ALK: variants seen among roughly 807,000 people sequenced by gnomAD.
The protein encoded by ALK is ALK tyrosine kinase receptor.
ALK carries 74 observed loss-of-function variants against 163.1 expected under a neutral mutation model. The ratio of observed to expected loss-of-function variants is 0.45; its 90% CI spans 0.38 to 0.55. ALK has a LOEUF of 0.55. Among genes scored for constraint, ALK ranks in the 20% least tolerant of loss-of-function variants. The pLI is 0.00. For missense variants in ALK, 2,063 were observed against 2,105.3 expected, an observed-to-expected ratio of 0.98 and a Z score of 0.39; for synonymous variants, 960 against 843.2, an observed-to-expected ratio of 1.14 and a Z score of -2.40.
intron 3 of ALK, among the ~76,000 whole-genome samples, chr2:29,646,381 A>C (rs993203097): frequency 6.6e-6 from 1 of 152,200 alleles, no homozygotes; most frequent in Admixed American, 6.6e-5. Flanking sequence ...ATTTCTACAC[A>C]TCTACATGCT....
At chr2:29,737,558 G>A (rs1679927389) in intron 1 of ALK, among the ~76,000 whole-genome samples, 1 of 147,328 alleles carries the variant, frequency 6.8e-6, no homozygotes, top group African/African-American at 2.7e-5. Flanking sequence ...TTGGCTATGG[G>A]CAGCAGTGAC....
intron 1 of ALK, among the ~76,000 whole-genome samples, chr2:29,815,635 G>A (rs181614898): frequency 1.3e-5 from 2 of 152,130 alleles, no homozygotes; most frequent in African/African-American, 4.8e-5. Context: ...CTGTTTTAAT[G>A]AATAATATTA....
intron 1 of ALK, among the ~76,000 whole-genome samples, chr2:29,815,062 G>T (rs2148374334): frequency 6.7e-6 from 1 of 148,656 alleles, no homozygotes; most frequent in Non-Finnish European, 1.5e-5. Context: ...CGGGCCATTA[G>T]TGGAAAATCA....
chr2:29,687,242 A>G (rs996765433), intron 3 of ALK, among the ~76,000 whole-genome samples: 1 of 151,836 alleles, frequency 6.6e-6, no homozygotes, highest in East Asian at 1.9e-4. Context: ...CTGCACACTT[A>G]TTTTCCACAT....
chr2:29,628,872 G>A (rs928048864), intron 3 of ALK, among the ~76,000 whole-genome samples: 4 of 152,190 alleles, frequency 2.6e-5, no homozygotes, highest in Non-Finnish European at 4.4e-5. Context: ...GATTTAGCAT[G>A]TTCAAGACTC....
At position 29,798,807 on chromosome 2, in the gene ALK, A is replaced by G. The variant is rs191320185; in HGVS notation, c.668-81110T>C. Among the ~76,000 whole-genome samples, 357 of 152,254 alleles carry G rather than the reference A, an allele frequency of 2.3e-3. 5 individuals are homozygous for G. The highest frequency in any genetic ancestry group is 1.6e-3 in the Non-Finnish European group (111 of 68,028). Reference sequence around the variant, plus strand: ...AGAAACCTCAATCCTAGAGAGAAGGACTCTGACCGTTCTGGAGAATTTTCC... The same window carrying G: ...AGAAACCTCAATCCTAGAGAGAAGGGCTCTGACCGTTCTGGAGAATTTTCC... On this transcript the variant is annotated intron_variant, in intron 1 of 28. Transcript: ENST00000389048.
chr2:29,914,774 A>C (rs531257265), intron 1 of ALK, among the ~76,000 whole-genome samples: 7 of 152,314 alleles, frequency 4.6e-5, no homozygotes, highest in African/African-American at 1.7e-4. Context: ...AAATTTTTTC[A>C]CCTATTGACA....
chr2:29,894,833 AACACACACACACACACACAAAC>A (rs1241887836), intron 1 of ALK, among the ~76,000 whole-genome samples: 3 of 149,982 alleles, frequency 2.0e-5, no homozygotes, highest in Non-Finnish European at 3.0e-5. Flanking sequence ...TGATGCTTCA[AACACACACACACACACACAAAC>A]ACACACACAC....
rs1309852506 is a variant in ALK, at chr2:29,494,620, C to A, written c.1154+37295G>T. On this transcript the variant is annotated intron_variant, in intron 4 of 28. Transcript: ENST00000389048. ...CCAGCCCCTCTGCAGTTTGAGGTAA[C>A]CCAGCCTGGAACATAAAGGGGTGAG... is the stretch of plus-strand genomic sequence containing the variant. Among the ~76,000 whole-genome samples, 7 of 152,138 alleles carry A rather than the reference C, an allele frequency of 4.6e-5. No homozygotes were observed. In the East Asian group the frequency reaches 9.6e-4, roughly 21 times the overall value.
At chr2:29,658,928 G>A (rs1405344168) in intron 3 of ALK, among the ~76,000 whole-genome samples, 6 of 152,178 alleles carry the variant, frequency 3.9e-5, no homozygotes, top group African/African-American at 9.6e-5. Context: ...TAAATCACTT[G>A]CATTTAATTC....
At chr2:29,792,606 C>A (rs962558830) in intron 1 of ALK, among the ~76,000 whole-genome samples, 1 of 152,068 alleles carries the variant, frequency 6.6e-6, no homozygotes, top group African/African-American at 2.4e-5. Context: ...AGAAAATGAG[C>A]AAAATGTGAC....
chr2:29,344,071 C>A (rs1667877697), intron 5 of ALK, among the ~76,000 whole-genome samples: 1 of 152,112 alleles, frequency 6.6e-6, no homozygotes, highest in Admixed American at 6.5e-5. Context: ...GTGACAGGGG[C>A]ACAAGTGTCT....
chr2:29,235,194 G>A (rs1479822840), intron 13 of ALK, among the ~76,000 whole-genome samples: 2 of 152,172 alleles, frequency 1.3e-5, no homozygotes, highest in Admixed American at 6.5e-5. Context: ...CAGCTCAGAC[G>A]AATTCTTCAA....
At chr2:29,614,502 A>C (rs1193023986) in intron 3 of ALK, among the ~76,000 whole-genome samples, 1 of 152,322 alleles carries the variant, frequency 6.6e-6, no homozygotes, top group African/African-American at 2.4e-5. Flanking sequence ...CTGTAGACTG[A>C]CAGCATGTTC....
Position 29,782,195 on chromosome 2 carries a change from A to G in ALK, c.668-64498T>C, listed in dbSNP as rs78401239. ...AAGTAAGAGATTTGGAACACAGCCCATCAATCAGCCTTGCCTGCCCTGAGA... is the reference window on the plus strand; with the variant it reads ...AAGTAAGAGATTTGGAACACAGCCCGTCAATCAGCCTTGCCTGCCCTGAGA... On this transcript the variant is annotated intron_variant, in intron 1 of 28. Coordinates refer to ENST00000389048, the MANE Select transcript of ALK (RefSeq NM_004304.5). Among the ~76,000 whole-genome samples the G allele has an allele frequency of 6.4e-3, 979 of 152,312 alleles. 8 individuals carry two copies. Among genetic ancestry groups the G allele is most frequent in the African/African-American group, 0.022 (931 of 41,564 alleles).
chr2:29,613,677 C>T (rs369917160), intron 3 of ALK, among the ~76,000 whole-genome samples: 4 of 152,184 alleles, frequency 2.6e-5, no homozygotes, highest in Non-Finnish European at 4.4e-5. Context: ...ATCTTAAACA[C>T]TAGGTAGAGC....
At chr2:29,890,530 T>A (rs1667116157) in intron 1 of ALK, 1 of 152,194 alleles carries the variant, frequency 6.6e-6, no homozygotes, top group Non-Finnish European at 1.5e-5. Context: ...TGAGGGAAAA[T>A]GGCAGTTAGG....
rs747244044 is a variant in ALK at position 29,320,876 on chromosome 2, A to T, written c.1421T>A (p.Leu474Gln). The change falls in exon 7 of 29, where the codon CTG (leucine) becomes CAG (glutamine). Residue 474 changes from leucine (L) to glutamine (Q), a missense_variant. This residue lies in a region of ALK where 987 missense variants were observed against 939.5 expected (regional missense o/e 1.05). Coordinates refer to ENST00000389048, the MANE Select transcript of ALK (RefSeq NM_004304.5). ...AAAGTTGCAGTAAAAACCCACAGGC[A>T]GTTTCCCTATGGAGAGAGCAGAGAG... ...GEDESQMCRK[L>Q]PVGFYCNFED... 1 of 1,614,204 alleles carries T rather than the reference A, an allele frequency of 6.2e-7. No individual in the cohort carries two copies. Among genetic ancestry groups the T allele is most frequent in the Non-Finnish European group, 8.5e-7 (1 of 1,180,022 alleles).
chr2:29,621,470 C>T (rs1218817544), intron 3 of ALK, among the ~76,000 whole-genome samples: 1 of 152,150 alleles, frequency 6.6e-6, no homozygotes, highest in African/African-American at 2.4e-5. Flanking sequence ...AGCTGATGGT[C>T]AGGCACAGTT....
Sources: allele counts gnomAD v4.1 joint callset (sites outside exome capture counted in the v4.1 genomes callset), GRCh38; gene constraint gnomAD v4.1.1; regional missense constraint gnomAD v4.1.1; transcripts MANE v1.5; gene names NCBI Gene and HGNC (gene_info 2026-07-23, HGNC 2026-07-21).